Variants in CACNA1E observed in about 807,000 individuals in gnomAD.
The protein encoded by CACNA1E is calcium voltage-gated channel subunit alpha1 E, also known as voltage-dependent R-type calcium channel subunit alpha-1E.
In CACNA1E, 40 loss-of-function variants were observed where a neutral mutation model predicts 259.2. The ratio of observed to expected loss-of-function variants is 0.15; its 90% CI spans 0.12 to 0.20. CACNA1E has a LOEUF of 0.20. CACNA1E is among the 10% of genes least tolerant of loss of function. CACNA1E has a pLI of 1.00. For missense variants in CACNA1E, 1,874 were observed against 3,040.1 expected, an observed-to-expected ratio of 0.62 and a Z score of 9.02; for synonymous variants, 1,104 against 1,138.5, an observed-to-expected ratio of 0.97 and a Z score of 0.61.
intron 3 of CACNA1E, among the ~76,000 whole-genome samples, chr1:181,549,813 C>T (rs936285877): frequency 2.0e-5 from 3 of 152,180 alleles, no homozygotes; most frequent in Admixed American, 6.5e-5. Context: ...ATGCATGTCA[C>T]GGCAACCACT....
chr1:181,743,569 C>T (rs1427325101), intron 25 of CACNA1E, among the ~76,000 whole-genome samples: 2 of 152,232 alleles, frequency 1.3e-5, no homozygotes, highest in Non-Finnish European at 2.9e-5. Context: ...ATGAACCTCA[C>T]AGAACCCTCA....
intron 1 of CACNA1E, among the ~76,000 whole-genome samples, chr1:181,386,180 T>C: frequency 6.6e-6 from 1 of 152,238 alleles, no homozygotes; most frequent in East Asian, 1.9e-4. Context: ...TCTGATGGTC[T>C]AAGTACAGAC....
At chr1:181,618,990 A>T (rs1283111438) in intron 6 of CACNA1E, among the ~76,000 whole-genome samples, 1 of 152,204 alleles carries the variant, frequency 6.6e-6, no homozygotes, top group Non-Finnish European at 1.5e-5. Context: ...TTATTAGATG[A>T]GGGTTCATTC....
intron 3 of CACNA1E, among the ~76,000 whole-genome samples, chr1:181,534,834 A>G (rs1460953239): frequency 2.6e-5 from 4 of 152,164 alleles, no homozygotes; most frequent in Admixed American, 2.6e-4. Flanking sequence ...AGCAATTGAA[A>G]CAAATGTAAC....
intron 45 of CACNA1E, 73 bp from the exon 46 acceptor site, chr1:181,794,791 C>T: frequency 7.1e-7 from 1 of 1,400,048 alleles, no homozygotes. Context: ...CTCAGTCTTG[C>T]TGCTTCTGTC....
At chr1:181,685,260 T>C (rs986648385) in intron 7 of CACNA1E, among the ~76,000 whole-genome samples, 4 of 142,940 alleles carry the variant, frequency 2.8e-5, no homozygotes, top group African/African-American at 1.0e-4. Context: ...GAGACGGAAT[T>C]AAGTTTTTAA....
At chr1:181,718,970 T>A (rs1251866482) in intron 12 of CACNA1E, among the ~76,000 whole-genome samples, 1 of 152,176 alleles carries the variant, frequency 6.6e-6, no homozygotes, top group African/African-American at 2.4e-5. Flanking sequence ...ATCCCACTAC[T>A]TTTTCTGCCA....
chr1:181,806,067 C>A lies in CACNA1E; in HGVS notation c.*7233C>A, dbSNP rs568867757. 1 of 152,282 alleles carries A rather than the reference C, an allele frequency of 6.6e-6. No homozygotes were observed. Among genetic ancestry groups the A allele is most frequent in the South Asian group, 2.1e-4 (1 of 4,822 alleles). 9.4% of individuals were successfully genotyped at this position (152,282 alleles called of 1,614,324 possible). A position where few individuals can be genotyped will look rare whatever the true frequency, so the allele number is the denominator to read the frequency against. On this transcript the variant is annotated 3_prime_UTR_variant, in exon 48 of 48. Transcript: ENST00000367573. ...GAAGGCCTCAGAGGATTAATAGATT[C>A]CCAAAATTTTCTTCCAGACCTGGGA...
At chr1:181,710,207 C>A (rs1653207251) in intron 7 of CACNA1E, among the ~76,000 whole-genome samples, 1 of 151,536 alleles carries the variant, frequency 6.6e-6, no homozygotes. Context: ...CCCACCCCCA[C>A]CACCTTCCCA....
chr1:181,544,421 A>C (rs1161879744), intron 3 of CACNA1E, among the ~76,000 whole-genome samples: 2 of 152,090 alleles, frequency 1.3e-5, no homozygotes, highest in East Asian at 3.8e-4. Context: ...ACCCCACTGA[A>C]TTGTACGCTT....
chr1:181,374,066 C>G (rs1003139293), intron 1 of CACNA1E, among the ~76,000 whole-genome samples: 1 of 152,046 alleles, frequency 6.6e-6, no homozygotes, highest in Non-Finnish European at 1.5e-5. Flanking sequence ...TTTGCTCTTG[C>G]TTTTCTAGTT....
chr1:181,727,409 G>A (rs112307507), intron 18 of CACNA1E, among the ~76,000 whole-genome samples: 2,251 of 152,336 alleles, frequency 0.015, 24 homozygotes, highest in Middle Eastern at 0.048. Flanking sequence ...ATACAATGAG[G>A]AACAGAAAAG....
chr1:181,354,393 G>GCA (rs1653271198), intron 1 of CACNA1E, among the ~76,000 whole-genome samples: 1 of 152,190 alleles, frequency 6.6e-6, no homozygotes, highest in African/African-American at 2.4e-5. Flanking sequence ...GGAAGGACTT[G>GCA]CTCTTTTAAA....
chr1:181,366,982 T>C (rs1356718451), intron 1 of CACNA1E, among the ~76,000 whole-genome samples: 1 of 152,206 alleles, frequency 6.6e-6, no homozygotes, highest in Non-Finnish European at 1.5e-5. Flanking sequence ...CTTTCCATTT[T>C]GTGATTCTGT....
At position 181,753,255 on chromosome 1, in the gene CACNA1E, G is replaced by A. The variant is rs1043363138; in HGVS notation, c.3828+1016G>A. ...GTGGGTCATAGGCCACCTGCATCAG[G>A]ATCACCTGGGTACTTCTTAAAATCC... On this transcript the variant is annotated intron_variant, in intron 27 of 47. Coordinates refer to ENST00000367573, the MANE Select transcript of CACNA1E (RefSeq NM_001205293.3). Among the ~76,000 whole-genome samples the A allele has an allele frequency of 2.0e-4, 31 of 152,222 alleles. 1 individual carries two copies. The highest frequency in any genetic ancestry group is 7.3e-5 in the Non-Finnish European group (5 of 68,050).
At chr1:181,716,395 G>A (rs1653904191) in intron 10 of CACNA1E, among the ~76,000 whole-genome samples, 1 of 151,836 alleles carries the variant, frequency 6.6e-6, no homozygotes, top group East Asian at 1.9e-4. Flanking sequence ...TGTGGCAGAT[G>A]TATTCCATTT....
chr1:181,498,952 GA>G (rs527924681), intron 1 of CACNA1E, among the ~76,000 whole-genome samples: 1 of 152,082 alleles, frequency 6.6e-6, no homozygotes, highest in Non-Finnish European at 1.5e-5. Context: ...ACTTACGTAA[GA>G]AAAAATAGGA....
chr1:181,550,219 A>C (rs6676111), intron 3 of CACNA1E, among the ~76,000 whole-genome samples: 11,426 of 152,262 alleles, frequency 0.075, 534 homozygotes, highest in South Asian at 0.13. Flanking sequence ...GGAAGAATCC[A>C]AGATGAATCC....
chr1:181,650,999 G>T (rs1458006514), intron 6 of CACNA1E, among the ~76,000 whole-genome samples: 1 of 152,216 alleles, frequency 6.6e-6, no homozygotes, highest in East Asian at 1.9e-4. Context: ...GTGTGCAGAG[G>T]CTTAGAACCC....
Sources: gnomAD v4.1 joint callset for allele counts (sites outside exome capture counted in the v4.1 genomes callset) on GRCh38, gnomAD v4.1.1 for gene constraint, MANE v1.5 for transcripts, NCBI Gene and HGNC (gene_info 2026-07-23, HGNC 2026-07-21) for gene names.